The following LCT variants were observed in gnomAD, a reference collection of about 807,000 sequenced individuals.
LCT encodes lactase/phlorizin hydrolase.
LCT carries 90 observed loss-of-function variants against 173.0 expected under a neutral mutation model. That is an observed-to-expected ratio of 0.52 (90% CI 0.44 to 0.62). The LOEUF (loss-of-function observed/expected upper bound fraction) is 0.62, where lower values mean the gene tolerates loss of function less well. Among genes scored for constraint, LCT ranks in the 20% least tolerant of loss-of-function variants. The probability of loss-of-function intolerance (pLI) is 0.00; values close to 1 mark genes in which losing one functional copy is unlikely to be tolerated. For missense variants in LCT, 1,864 were observed against 2,431.4 expected (o/e 0.77, Z 4.91); for synonymous variants, 853 against 957.6 (o/e 0.89, Z 2.02).
At chr2:135,788,655 C>A in intron 16 of LCT, 111 bp from the exon 17 acceptor site, 1 of 767,020 alleles carries the variant, frequency 1.3e-6, no homozygotes, top group South Asian at 1.4e-5. Context: ...CAGCCATTGA[C>A]GGGATGCCGA....
chr2:135,808,265 C>CT (rs766160875), intron 8 of LCT, among the ~76,000 whole-genome samples, 178 bp downstream of exon 8: 1 of 152,090 alleles, frequency 6.6e-6, no homozygotes, highest in Non-Finnish European at 1.5e-5. Context: ...CAACCATAGC[C>CT]TTTTTTCCCC....
At chr2:135,830,528 G>C (rs1309171137) in intron 2 of LCT, among the ~76,000 whole-genome samples, 1 of 152,202 alleles carries the variant, frequency 6.6e-6, no homozygotes, top group African/African-American at 2.4e-5. Context: ...TCAGAACCAA[G>C]TGCTCTGTGA....
In LCT at chr2:135,809,219, TCAAA is replaced by T. The variant is rs781611460; in HGVS notation, c.3124_3127del (p.Phe1042ThrfsTer19). 3.7e-6 allele frequency: 6 copies of T among 1,614,218 alleles called. No homozygotes were observed. Among genetic ancestry groups the T allele is most frequent in the Non-Finnish European group, 2.5e-6 (3 of 1,180,046 alleles). ...CTGGAAACAAAAGTCTGCGTAGCTGTCAAACAAGTCAATCAAGGCAGGATTCTCC... is the reference window on the plus strand; with the variant it reads ...CTGGAAACAAAAGTCTGCGTAGCTGTCAAGTCAATCAAGGCAGGATTCTCC... On this transcript the variant is annotated frameshift_variant, in exon 8 of 17. Coordinates refer to ENST00000264162, the MANE Select transcript of LCT (RefSeq NM_002299.4). LOFTEE classifies it high-confidence loss of function. This position sits in a 1 kb window ranked among gnomAD's most constrained non-coding sequence, Gnocchi z 5.5.
At chr2:135,810,756 G>A (rs1236217974) in intron 7 of LCT, among the ~76,000 whole-genome samples, 2 of 151,752 alleles carry the variant, frequency 1.3e-5, no homozygotes, top group Non-Finnish European at 2.9e-5. Flanking sequence ...GCCAGGCGTG[G>A]TGGCTCACGC....
chr2:135,822,063 C>G lies in LCT; in HGVS notation c.943G>C (p.Asp315His). 6.2e-7 allele frequency: 1 copy of G among 1,609,538 alleles called. No homozygotes were observed. Among genetic ancestry groups the G allele is most frequent in the Admixed American group, 1.7e-5 (1 of 60,024 alleles). Reference sequence around the variant, plus strand: ...GAACAACTCAGAAACTCATTAATATCAAACCCAATGGTGAGCACTTGGTCT... The same window carrying G: ...GAACAACTCAGAAACTCATTAATATGAAACCCAATGGTGAGCACTTGGTCT... ...NKDQVLTIGF[D>H]INEFLSCSSS... The change falls in exon 5 of 17, where the codon GAT becomes CAT. Residue 315 changes from aspartate (D) to histidine (H), a missense_variant. Coordinates refer to ENST00000264162, the MANE Select transcript of LCT (RefSeq NM_002299.4).
At chr2:135,832,435 AT>A (rs1468394765) in intron 2 of LCT, among the ~76,000 whole-genome samples, 2 of 151,744 alleles carry the variant, frequency 1.3e-5, no homozygotes, top group Non-Finnish European at 2.9e-5. Context: ...CTGTAAAAAA[AT>A]AAATAAATAA....
At chr2:135,812,240 T>C (rs2077740090) in intron 7 of LCT, 71 bp downstream of exon 7, 7 of 1,333,150 alleles carry the variant, frequency 5.3e-6, no homozygotes, top group Non-Finnish European at 6.5e-6. Context: ...CTTTGTCTTA[T>C]TAAACGAAAC....
Position 135,808,942 on chromosome 2 carries a change from C to A in LCT, c.3405G>T (p.Gly1135=), listed in dbSNP as rs753694018. The change falls in exon 8 of 17, where the codon GGG becomes GGT. Residue 1135 remains glycine (G), a synonymous_variant. Coordinates refer to ENST00000264162, the MANE Select transcript of LCT (RefSeq NM_002299.4). ...CAGCGGCTTCCACATCTCTGGGGAC[C>A]CCTGGTGACTTGGGCTCTGCCCAGT... The part of the protein sequence containing the change: ...STHWAEPKSP[G]VPRDVEAADR... 3 of 1,614,004 alleles carry A rather than the reference C, an allele frequency of 1.9e-6. No individual in the cohort carries two copies. The highest frequency in any genetic ancestry group is 1.7e-5 in the Admixed American group (1 of 60,006).
intron 14 of LCT, among the ~76,000 whole-genome samples, chr2:135,792,582 G>A (rs2077540864): frequency 6.6e-6 from 1 of 152,132 alleles, no homozygotes; most frequent in South Asian, 2.1e-4. Flanking sequence ...TGGCCTTGCT[G>A]GCTGCATGGG....
intron 14 of LCT, among the ~76,000 whole-genome samples, chr2:135,792,707 C>T (rs2077542679): frequency 6.6e-6 from 1 of 152,192 alleles, no homozygotes; most frequent in African/African-American, 2.4e-5. Context: ...TGAGAACCAG[C>T]CCCCTATTCC....
intron 12 of LCT, 54 bp downstream of exon 12, chr2:135,800,553 G>C (rs969582749): frequency 1.4e-6 from 2 of 1,403,548 alleles, no homozygotes; most frequent in East Asian, 4.6e-5. Flanking sequence ...TTTCCATTAG[G>C]CTGGAAGGAA....
intron 8 of LCT, 35 bp from the exon 9 acceptor site, chr2:135,807,431 G>A: frequency 6.2e-7 from 1 of 1,611,658 alleles, no homozygotes; most frequent in South Asian, 1.1e-5. Context: ...AGGAGAGCTT[G>A]ACACCAGGAG....
At chr2:135,818,698 G>A (rs1185041275) in intron 5 of LCT, among the ~76,000 whole-genome samples, 10 of 152,288 alleles carry the variant, frequency 6.6e-5, no homozygotes, top group Non-Finnish European at 8.8e-5. Flanking sequence ...TTAGCCAGGC[G>A]TGGTGGTGGG....
intron 16 of LCT, among the ~76,000 whole-genome samples, chr2:135,789,185 A>G (rs1440325212): frequency 1.3e-5 from 2 of 152,238 alleles, no homozygotes; most frequent in South Asian, 4.1e-4. Flanking sequence ...ATACTCTTAC[A>G]TTTAACAAAT....
intron 3 of LCT, among the ~76,000 whole-genome samples, chr2:135,824,680 T>A (rs556086748): frequency 6.6e-6 from 1 of 152,194 alleles, no homozygotes; most frequent in Non-Finnish European, 1.5e-5. Context: ...TTTTTACTTT[T>A]GGATGTTAGA....
chr2:135,796,836 G>A (rs867909664), intron 13 of LCT, among the ~76,000 whole-genome samples: 2 of 152,102 alleles, frequency 1.3e-5, no homozygotes, highest in South Asian at 4.1e-4. Flanking sequence ...GGCGCTCATC[G>A]GTTTTGCTGG....
rs770253340 is a variant in LCT at position 135,809,002 on chromosome 2, C to T, written c.3345G>A (p.Glu1115=). ...YHTYDEKYRQ[E]QKGVISLSLS... is the part of the protein sequence containing the mutation. Reference sequence around the variant, plus strand: ...GGCTCAGCGAGATGACCCCCTTCTGCTCCTGCCTGTATTTCTCATCGTACG... The same window carrying T: ...GGCTCAGCGAGATGACCCCCTTCTGTTCCTGCCTGTATTTCTCATCGTACG... Residue 1115 remains glutamate (E), a synonymous_variant, in exon 8 of 17, where the codon GAG becomes GAA. Transcript: ENST00000264162. The surrounding 1 kb of genome is among the most constrained non-coding windows in gnomAD (Gnocchi z 5.5). The T allele has an allele frequency of 1.9e-6, 3 of 1,611,228 alleles. No homozygotes were observed. The highest frequency in any genetic ancestry group is 2.5e-6 in the Non-Finnish European group (3 of 1,178,066).
Position 135,805,027 on chromosome 2 carries a change from C to T in LCT, c.4204G>A (p.Gly1402Arg). The T allele has an allele frequency of 2.5e-6, 4 of 1,614,212 alleles. No individual in the cohort carries two copies. Among genetic ancestry groups the T allele is most frequent in the Non-Finnish European group, 3.4e-6 (4 of 1,180,038 alleles). ...IEGAWRADGK[G>R]LSIWDTFSHT... ...GAAAACGTGTCCCAAATGCTGAGTC[C>T]TTTGCCATCTGCTCTCCACGCACCT... Residue 1402 changes from glycine to arginine, a missense_variant, in exon 10 of 17, where the codon GGA becomes AGA. Gly to Arg is a moderately radical substitution (Grantham distance 125, BLOSUM62 -2). This residue lies in a region of LCT where 514 missense variants were observed against 750.1 expected (regional missense o/e 0.69). Transcript: ENST00000264162.
chr2:135,791,543 A>G (rs558718988), intron 14 of LCT, among the ~76,000 whole-genome samples: 9 of 151,408 alleles, frequency 5.9e-5, no homozygotes, highest in African/African-American at 2.2e-4. Context: ...GACACTTCCT[A>G]CACTCAGATC....
Sources: gnomAD v4.1 joint callset for allele counts (sites outside exome capture counted in the v4.1 genomes callset) on GRCh38, gnomAD v4.1.1 for gene constraint, gnomAD v4.1.1 regional missense constraint, Gnocchi (gnomAD v3.1) non-coding constraint, MANE v1.5 for transcripts, NCBI Gene and HGNC (gene_info 2026-07-23, HGNC 2026-07-21) for gene names.